DLG2: variants seen among roughly 807,000 people sequenced by gnomAD.
The protein encoded by DLG2 is disks large homolog 2.
Under a neutral mutation model 132.5 loss-of-function variants are expected in DLG2, and 45 were observed. The observed-to-expected ratio is 0.34, with a 90% CI of 0.27 to 0.44. DLG2 has a LOEUF of 0.44. Ranked by LOEUF, DLG2 falls within the 20% of genes least tolerant of loss-of-function variation. DLG2 has a pLI of 1.00. For missense variants in DLG2, 1,045 were observed against 1,196.9 expected, an observed-to-expected ratio of 0.87 and a Z score of 1.87; for synonymous variants, 424 against 419.6, an observed-to-expected ratio of 1.01 and a Z score of -0.13.
intron 3 of DLG2, among the ~76,000 whole-genome samples, chr11:85,539,972 C>A (rs981946434): frequency 2.6e-5 from 4 of 152,230 alleles, no homozygotes; most frequent in African/African-American, 9.6e-5. Flanking sequence ...AAAACATCTG[C>A]TGTCTTATCT....
chr11:84,806,541 T>G (rs7131260), intron 6 of DLG2, among the ~76,000 whole-genome samples: 2,266 of 152,286 alleles, frequency 0.015, 51 homozygotes, highest in African/African-American at 0.052. Flanking sequence ...TATTTTCGAC[T>G]GCTGAAAGAA....
intron 6 of DLG2, among the ~76,000 whole-genome samples, chr11:84,866,369 C>A (rs1001385156): frequency 6.6e-6 from 1 of 152,206 alleles, no homozygotes; most frequent in Admixed American, 6.5e-5. Flanking sequence ...GCCAGATTCT[C>A]AGTCTTCCTT....
intron 11 of DLG2, among the ~76,000 whole-genome samples, chr11:84,020,371 A>G (rs1341406673): frequency 6.6e-6 from 1 of 152,202 alleles, no homozygotes. Context: ...CATGCAGTAT[A>G]CATTCATGTT....
At chr11:83,735,568 C>T (rs141314846) in intron 18 of DLG2, among the ~76,000 whole-genome samples, 173 of 152,324 alleles carry the variant, frequency 1.1e-3, no homozygotes, top group African/African-American at 3.8e-3. Flanking sequence ...ACATAATTTG[C>T]ACTCTGACTA....
At chr11:85,579,348 A>G (rs193003265) in intron 3 of DLG2, among the ~76,000 whole-genome samples, 188 of 152,290 alleles carry the variant, frequency 1.2e-3, no homozygotes, top group African/African-American at 4.2e-3. Flanking sequence ...AAGTTTGCCT[A>G]TCTAACAAAC....
intron 3 of DLG2, among the ~76,000 whole-genome samples, chr11:85,414,178 T>C (rs1347796719): frequency 1.3e-5 from 2 of 152,072 alleles, no homozygotes; most frequent in South Asian, 2.1e-4. Flanking sequence ...AGGGGTTGAG[T>C]TCTCAATTTG....
chr11:85,400,741 A>G (rs1342500424), intron 3 of DLG2, among the ~76,000 whole-genome samples: 1 of 150,300 alleles, frequency 6.7e-6, no homozygotes, highest in Non-Finnish European at 1.5e-5. Flanking sequence ...ATGAGAACAC[A>G]TGGACACAGG....
chr11:85,529,803 T>C (rs887596243), intron 3 of DLG2, among the ~76,000 whole-genome samples: 1 of 152,200 alleles, frequency 6.6e-6, no homozygotes, highest in African/African-American at 2.4e-5. Context: ...TACAGTTATA[T>C]GTTTTACATA....
chr11:84,331,780 C>T (rs1426859562), intron 7 of DLG2, among the ~76,000 whole-genome samples: 1 of 152,072 alleles, frequency 6.6e-6, no homozygotes, highest in African/African-American at 2.4e-5. Flanking sequence ...CACTCAAGTG[C>T]CAAAGTGCCT....
At chr11:85,478,065 T>C (rs945439692) in intron 3 of DLG2, among the ~76,000 whole-genome samples, 2 of 151,960 alleles carry the variant, frequency 1.3e-5, no homozygotes, top group African/African-American at 4.8e-5. Context: ...TGGAGTGCAG[T>C]GATGGGATCA....
intron 9 of DLG2, among the ~76,000 whole-genome samples, chr11:84,127,679 C>T (rs2094239556): frequency 6.6e-6 from 1 of 152,178 alleles, no homozygotes; most frequent in Non-Finnish European, 1.5e-5. Flanking sequence ...AACTATCTTC[C>T]TGCCTCCACC....
chr11:85,014,757 T>C (rs1189714800), intron 6 of DLG2, among the ~76,000 whole-genome samples: 2 of 152,202 alleles, frequency 1.3e-5, no homozygotes, highest in Non-Finnish European at 2.9e-5. Flanking sequence ...CCCAAACCTG[T>C]ATTGGTTCTA....
intron 27 of DLG2, chr11:83,461,752 T>G (rs2090071914): frequency 2.2e-6 from 1 of 456,024 alleles, no homozygotes; most frequent in South Asian, 3.4e-5. Flanking sequence ...CAGGGGTATC[T>G]CCTGCCCATG....
chr11:85,104,583 G>A (rs377614956), intron 6 of DLG2, among the ~76,000 whole-genome samples: 1 of 151,810 alleles, frequency 6.6e-6, no homozygotes, highest in South Asian at 2.1e-4. Context: ...AATGGATGTA[G>A]AGTTTCTTTT....
At chr11:85,281,016 G>A (rs928091058) in intron 4 of DLG2, among the ~76,000 whole-genome samples, 9 of 152,018 alleles carry the variant, frequency 5.9e-5, no homozygotes, top group African/African-American at 2.2e-4. Context: ...GCTATGGGAT[G>A]TGAAGGATCA....
intron 7 of DLG2, among the ~76,000 whole-genome samples, chr11:84,297,688 C>T (rs986031677): frequency 6.6e-6 from 1 of 152,050 alleles, no homozygotes; most frequent in African/African-American, 2.4e-5. Context: ...TTAAAGGAGT[C>T]CAATGGCTTT....
chr11:84,192,478 C>G (rs763901239), intron 8 of DLG2, among the ~76,000 whole-genome samples: 30 of 152,298 alleles, frequency 2.0e-4, no homozygotes, highest in Non-Finnish European at 3.7e-4. Context: ...CGCCTCTAAT[C>G]CCAACATTTT....
intron 18 of DLG2, among the ~76,000 whole-genome samples, chr11:83,724,324 G>T (rs780291706): frequency 6.6e-6 from 1 of 152,186 alleles, no homozygotes; most frequent in Non-Finnish European, 1.5e-5. Flanking sequence ...CCCGAAGCAC[G>T]CTCTCTGGTT....
chr11:84,167,267 C>T (rs1015967037), intron 8 of DLG2, among the ~76,000 whole-genome samples: 1 of 152,190 alleles, frequency 6.6e-6, no homozygotes, highest in African/African-American at 2.4e-5. Context: ...CTGTGCTGTT[C>T]TGAGCATGTA....
Sources: gnomAD v4.1 joint callset for allele counts (sites outside exome capture counted in the v4.1 genomes callset) on GRCh38, gnomAD v4.1.1 for gene constraint, MANE v1.5 for transcripts, NCBI Gene and HGNC (gene_info 2026-07-23, HGNC 2026-07-21) for gene names.